The following ALLC variants were observed in gnomAD, a reference collection of about 807,000 sequenced individuals.
ALLC encodes allantoicase.
ALLC carries 40 observed loss-of-function variants against 45.0 expected under a neutral mutation model. The ratio of observed to expected loss-of-function variants is 0.89; its 90% CI spans 0.69 to 1.16. The LOEUF (loss-of-function observed/expected upper bound fraction) is 1.16. ALLC is among the 50% of genes most tolerant of loss of function. The pLI is 0.00. For missense variants in ALLC, 488 were observed against 493.1 expected, an observed-to-expected ratio of 0.99 and a Z score of 0.10; for synonymous variants, 176 against 178.1, an observed-to-expected ratio of 0.99 and a Z score of 0.09.
At chr2:3,682,894 T>A in intron 6 of ALLC, 48 bp from the exon 7 acceptor site, 1 of 1,599,272 alleles carries the variant, frequency 6.3e-7, no homozygotes, top group East Asian at 2.2e-5. Flanking sequence ...GATGACAGAA[T>A]TTATTGTTTT....
intron 7 of ALLC, among the ~76,000 whole-genome samples, chr2:3,693,857 G>A (rs1359909071): frequency 6.6e-6 from 1 of 152,116 alleles, no homozygotes; most frequent in Non-Finnish European, 1.5e-5. Flanking sequence ...GTGTGGTGGC[G>A]GGTGCCTGTA....
rs183237845 is a variant in ALLC at position 3,686,657 on chromosome 2, T to C, written c.511+3583T>C. On this transcript the variant is annotated intron_variant, in intron 7 of 11. Coordinates refer to ENST00000252505, the MANE Select transcript of ALLC (RefSeq NM_018436.4). Reference sequence around the variant, plus strand: ...GTTTTCCTTGTATAGCTCTTTCACTTCGTAGGATAAATGGATTCCTCAGTA... The same window carrying C: ...GTTTTCCTTGTATAGCTCTTTCACTCCGTAGGATAAATGGATTCCTCAGTA... 2.8e-3 allele frequency among the ~76,000 whole-genome samples: 425 copies of C among 151,088 alleles called. 20 individuals are homozygous for C. The highest frequency in any genetic ancestry group is 4.4e-3 in the Non-Finnish European group (296 of 67,584).
At position 3,702,538 on chromosome 2, in the gene ALLC, C is replaced by T. The variant is rs1367536265; in HGVS notation, c.1151C>T (p.Ser384Leu). 5.0e-6 allele frequency: 8 copies of T among 1,598,408 alleles called. No individual in the cohort carries two copies. Among genetic ancestry groups the T allele is most frequent in the South Asian group, 2.2e-5 (2 of 89,874 alleles). The change falls in exon 12 of 12, where the codon TCG (serine) becomes TTG (leucine). Residue 384 changes from serine to leucine, a missense_variant. Ser to Leu is a moderately radical substitution (Grantham distance 145, BLOSUM62 -2). Coordinates refer to ENST00000252505, the MANE Select transcript of ALLC (RefSeq NM_018436.4). Reference sequence around the variant, plus strand: ...CGGGAGAAGCCCATGTTGAAGTTCTCGGTGAGCTTCAAAGCAAACCCTTAA... The same window carrying T: ...CGGGAGAAGCCCATGTTGAAGTTCTTGGTGAGCTTCAAAGCAAACCCTTAA... ...RPREKPMLKF[S>L]VSFKANP
chr2:3,678,951 AG>A (rs1429318571), intron 4 of ALLC, among the ~76,000 whole-genome samples: 2 of 152,196 alleles, frequency 1.3e-5, no homozygotes, highest in Non-Finnish European at 2.9e-5. Context: ...TCCTGGACTC[AG>A]CCCAGGGCAC....
chr2:3,676,812 G>A (rs892300301), intron 3 of ALLC, among the ~76,000 whole-genome samples: 16 of 151,480 alleles, frequency 1.1e-4, no homozygotes, highest in African/African-American at 3.9e-4. Flanking sequence ...TTTTGAGACA[G>A]AGTCTCACTC....
At chr2:3,663,556 G>A (rs1221418746) in intron 1 of ALLC, among the ~76,000 whole-genome samples, 1 of 151,396 alleles carries the variant, frequency 6.6e-6, no homozygotes, top group Non-Finnish European at 1.5e-5. Context: ...TGCACATCCT[G>A]CACATGTACC....
intron 4 of ALLC, 54 bp downstream of exon 4, chr2:3,678,609 C>A: frequency 6.7e-7 from 1 of 1,484,250 alleles, no homozygotes; most frequent in Non-Finnish European, 9.4e-7. Flanking sequence ...AAGTTAAAAA[C>A]GCAGGCTGTG....
intron 7 of ALLC, among the ~76,000 whole-genome samples, chr2:3,685,215 CGCTAGCAT>C (rs1553365933): frequency 2.0e-5 from 3 of 148,884 alleles, no homozygotes; most frequent in Non-Finnish European, 1.5e-5. Context: ...TCCACATCCT[CGCTAGCAT>C]CCACTATTCC....
chr2:3,690,576 C>A (rs1317422055), intron 7 of ALLC, among the ~76,000 whole-genome samples: 1 of 150,212 alleles, frequency 6.7e-6, no homozygotes, highest in East Asian at 2.0e-4. Flanking sequence ...ACTGTGGTTA[C>A]CATGAGGCTT....
chr2:3,702,084 T>G (rs907082100), intron 11 of ALLC, among the ~76,000 whole-genome samples: 4 of 152,174 alleles, frequency 2.6e-5, no homozygotes, highest in African/African-American at 9.7e-5. Context: ...TCCTTCATTT[T>G]CTTATCAATT....
At chr2:3,670,921 C>CT (rs111587931) in intron 1 of ALLC, among the ~76,000 whole-genome samples, 175 bp from the exon 2 acceptor site, 26,237 of 140,248 alleles carry the variant, frequency 0.19, 2,795 homozygotes, top group African/African-American at 0.23. Flanking sequence ...AGCAAAGTCT[C>CT]TTTTTAGTTC....
chr2:3,671,428 T>A (rs976427573), intron 2 of ALLC, among the ~76,000 whole-genome samples: 1 of 152,272 alleles, frequency 6.6e-6, no homozygotes, highest in African/African-American at 2.4e-5. Context: ...CAGACTGTGG[T>A]CCTCTGCTCT....
intron 10 of ALLC, among the ~76,000 whole-genome samples, chr2:3,700,246 T>G (rs1249302805): frequency 6.6e-6 from 1 of 152,234 alleles, no homozygotes; most frequent in Non-Finnish European, 1.5e-5. Flanking sequence ...CACCATTTAT[T>G]GAATTGGGAT....
rs146354376 is a variant in ALLC, at chr2:3,697,230, C to G, written c.742-118C>G. 885 of 705,826 alleles carry G rather than the reference C, an allele frequency of 1.3e-3. 10 individuals are homozygous for G. In the East Asian group the frequency reaches 0.02, roughly 16 times the overall value. The allele number at this position is 705,826 out of a possible 1,614,324, so 43.7% of individuals were successfully genotyped here. ...TTTACACATCAGGCCACAGGAAACACTCTTCTATAGTAAGAAATAAAAGAA... is the reference window on the plus strand; with the variant it reads ...TTTACACATCAGGCCACAGGAAACAGTCTTCTATAGTAAGAAATAAAAGAA... On this transcript the variant is annotated intron_variant, in intron 9 of 11. Transcript: ENST00000252505.
chr2:3,695,521 G>C (rs1667640150), intron 7 of ALLC, 196 bp from the exon 8 acceptor site: 3 of 584,258 alleles, frequency 5.1e-6, no homozygotes, highest in Middle Eastern at 4.2e-4. Context: ...GGAGAGCTGG[G>C]AAAGTTGTTC....
At chr2:3,651,300 GTGGGTGGGTGGGT>G in the ALLC span, among the ~76,000 whole-genome samples, 1 of 80,342 alleles carries the variant, frequency 1.2e-5, no homozygotes, top group African/African-American at 9.7e-5. Flanking sequence ...TTCTTTTTGG[GTGGGTGGGTGGGT>G]GGGGGGGGTG....
chr2:3,702,225 C>T (rs967044302), intron 11 of ALLC, 138 bp from the exon 12 acceptor site: 6 of 677,496 alleles, frequency 8.9e-6, no homozygotes, highest in Admixed American at 3.4e-5. Context: ...CATGGAAAGC[C>T]CAATTATCAT....
intron 3 of ALLC, among the ~76,000 whole-genome samples, chr2:3,676,569 G>A (rs191457653): frequency 4.5e-4 from 68 of 152,178 alleles, no homozygotes; most frequent in African/African-American, 1.5e-3. Flanking sequence ...TTCTCACTGC[G>A]TGTTTGTGAA....
chr2:3,659,456 A>C (rs1041585787), intron 1 of ALLC, among the ~76,000 whole-genome samples: 1 of 152,186 alleles, frequency 6.6e-6, no homozygotes, highest in African/African-American at 2.4e-5. Context: ...CAAACATCAG[A>C]GCTGACCCTG....
Sources: gnomAD v4.1 joint callset for allele counts (sites outside exome capture counted in the v4.1 genomes callset) on GRCh38, gnomAD v4.1.1 for gene constraint, MANE v1.5 for transcripts, NCBI Gene and HGNC (gene_info 2026-07-23, HGNC 2026-07-21) for gene names.